Variants in TNFSF14 observed in about 807,000 individuals in gnomAD.
TNFSF14 encodes TNF superfamily member 14.
A neutral mutation model predicts 22.7 loss-of-function variants in TNFSF14; 15 were observed. That is an observed-to-expected ratio of 0.66 (90% CI 0.44 to 1.02). TNFSF14 has a LOEUF of 1.02. Among genes scored for constraint, TNFSF14 ranks in the 50% least tolerant of loss-of-function variants. The pLI is 0.00. For synonymous variants in TNFSF14, 133 were observed against 139.6 expected (o/e 0.95, Z 0.33); for missense variants, 287 against 326.2 (o/e 0.88, Z 0.93).
At position 6,664,140 on chromosome 19, in the gene TNFSF14, G is replaced by C. The variant is rs1286638619; in HGVS notation, c.*786C>G. 1 of 152,096 alleles carries C rather than the reference G, an allele frequency of 6.6e-6. No homozygotes were observed. The highest frequency in any genetic ancestry group is 1.5e-5 in the Non-Finnish European group (1 of 68,048). 9.4% of individuals were successfully genotyped at this position (152,096 alleles called of 1,614,324 possible). A position where few individuals can be genotyped will look rare whatever the true frequency, so the allele number is the denominator to read the frequency against. Reference sequence around the variant, plus strand: ...GATCTGAGTATGTGGGGTGGGGCTGGGCTCTTCATGATGAGTCCCGATGAT... The same window carrying C: ...GATCTGAGTATGTGGGGTGGGGCTGCGCTCTTCATGATGAGTCCCGATGAT... On this transcript the variant is annotated 3_prime_UTR_variant, in exon 4 of 4. Coordinates refer to ENST00000675206, the MANE Select transcript of TNFSF14 (RefSeq NM_001376887.1). This position sits in a 1 kb window ranked among gnomAD's most constrained non-coding sequence, Gnocchi z 4.7.
At chr19:6,665,761 TTGTG>T (rs951381170) in intron 3 of TNFSF14, among the ~76,000 whole-genome samples, 4 of 148,092 alleles carry the variant, frequency 2.7e-5, no homozygotes, top group South Asian at 4.4e-4. Context: ...ACTAGGCTGT[TTGTG>T]TGTGTGTGTG....
rs191014745 is a variant in TNFSF14, at chr19:6,665,165, T to C, written c.484A>G (p.Ile162Val). 9.4e-5 allele frequency: 151 copies of C among 1,614,100 alleles called. No individual in the cohort carries two copies. The highest frequency in any genetic ancestry group is 1.5e-4 in the Admixed American group (9 of 60,018). The change falls in exon 4 of 4, where the codon ATC becomes GTC. Residue 162 changes from isoleucine (I) to valine (V), a missense_variant. Coordinates refer to ENST00000675206, the MANE Select transcript of TNFSF14 (RefSeq NM_001376887.1). Reference protein sequence around the residue: ...VGCPLGLASTITHGLYKRTPR... With the variant: ...VGCPLGLASTVTHGLYKRTPR... ...GTGCGCTTGTAGAGGCCGTGGGTGA[T>C]GGTGCTGGCCAGGCCCAGCGGGCAG...
rs1291186941 is a variant in TNFSF14 at position 6,663,275 on chromosome 19, ATGT to A, written c.*1648_*1650del. The A allele has an allele frequency of 2.4e-4, 36 of 151,516 alleles. No homozygotes were observed. Among genetic ancestry groups the A allele is most frequent in the African/African-American group, 5.8e-4 (24 of 41,218 alleles). 9.4% of individuals were successfully genotyped at this position (151,516 alleles called of 1,614,324 possible). A position where few individuals can be genotyped will look rare whatever the true frequency, so the allele number is the denominator to read the frequency against. Reference sequence around the variant, plus strand: ...CTCAGGCTGTGTGTATATGTGTGTAATGTTGTGTGTTTGTCATTGTGATGTGTG... The same window carrying A: ...CTCAGGCTGTGTGTATATGTGTGTAATGTGTGTTTGTCATTGTGATGTGTG... On this transcript the variant is annotated 3_prime_UTR_variant, in exon 4 of 4. Coordinates refer to ENST00000675206, the MANE Select transcript of TNFSF14 (RefSeq NM_001376887.1).
chr19:6,668,947 G>A (rs1325935478), intron 1 of TNFSF14, among the ~76,000 whole-genome samples: 3 of 152,202 alleles, frequency 2.0e-5, no homozygotes, highest in Non-Finnish European at 2.9e-5. Flanking sequence ...CGGGTGTGTG[G>A]ACATGTGGGT....
intron 3 of TNFSF14, 123 bp from the exon 4 acceptor site, chr19:6,665,473 A>G (rs1917390098): frequency 1.8e-6 from 2 of 1,103,828 alleles, no homozygotes; most frequent in East Asian, 2.6e-5. Context: ...TGGTGGCATG[A>G]TCTCGGCTTA....
intron 1 of TNFSF14, among the ~76,000 whole-genome samples, chr19:6,668,124 G>A (rs1917482217): frequency 6.6e-6 from 1 of 152,082 alleles, no homozygotes; most frequent in African/African-American, 2.4e-5. Flanking sequence ...CACTTTGGGA[G>A]GCCAAAGTGG....
chr19:6,669,642 G>T (rs1917536661), intron 1 of TNFSF14, among the ~76,000 whole-genome samples: 1 of 152,012 alleles, frequency 6.6e-6, no homozygotes, highest in Admixed American at 6.6e-5. Context: ...TTATTTTGTA[G>T]ATGAAGACAC....
At position 6,669,245 on chromosome 19, in the gene TNFSF14, A is replaced by G. The variant is rs1231200008; in HGVS notation, c.219+606T>C. ...ACACCTGTAATCCCAGCACTTTGGG[A>G]GGCTGAGGCGGGTGGATCTCCTGAG... On this transcript the variant is annotated intron_variant, in intron 1 of 3. Transcript: ENST00000675206. 5.3e-5 allele frequency among the ~76,000 whole-genome samples: 8 copies of G among 152,194 alleles called. No homozygotes were observed. In the East Asian group the frequency reaches 1.3e-3, roughly 26 times the overall value.
intron 3 of TNFSF14, 145 bp downstream of exon 3, chr19:6,666,968 C>T: frequency 2.1e-6 from 1 of 476,512 alleles, no homozygotes; most frequent in Non-Finnish European, 3.5e-6. Flanking sequence ...ACTGGAAATA[C>T]ATAGCACTTG....
intron 3 of TNFSF14, 101 bp downstream of exon 3, chr19:6,667,012 A>G: frequency 7.7e-7 from 1 of 1,303,008 alleles, no homozygotes; most frequent in Non-Finnish European, 1.1e-6. Flanking sequence ...GTGAGTAAAT[A>G]AGCAATGAAT....
chr19:6,670,053 A>ACGGGAC lies in TNFSF14; in HGVS notation c.16_17insGTCCCG (p.Val5_Val6insGlyPro). The ACGGGAC allele has an allele frequency of 6.2e-7, 1 of 1,614,108 alleles. No individual in the cohort carries two copies. Among genetic ancestry groups the ACGGGAC allele is most frequent in the Non-Finnish European group, 8.5e-7 (1 of 1,179,978 alleles). On this transcript the variant is annotated inframe_insertion, in exon 1 of 4. Coordinates refer to ENST00000675206, the MANE Select transcript of TNFSF14 (RefSeq NM_001376887.1). ...ATCCACCACAAACACTGAGGGCCGTACGACACTCTCCTCCATGCCCAAGGT... is the reference window on the plus strand; with the variant it reads ...ATCCACCACAAACACTGAGGGCCGTACGGGACCGACACTCTCCTCCATGCCCAAGGT...
intron 1 of TNFSF14, 88 bp downstream of exon 1, chr19:6,669,737 TACACACACACACACACACACACACAC>T: frequency 8.1e-7 from 1 of 1,230,926 alleles, no homozygotes; most frequent in East Asian, 2.6e-5. Flanking sequence ...TGCCCTGTCC[TACACACACACACACACACACACACAC>T]ACACACACAC....
chr19:6,669,806 GC>G (rs558248152), intron 1 of TNFSF14, 44 bp downstream of exon 1: 3 of 1,596,904 alleles, frequency 1.9e-6, no homozygotes, highest in South Asian at 1.1e-5. Context: ...ACACAGGGGA[GC>G]CCCCCTCACC....
intron 3 of TNFSF14, among the ~76,000 whole-genome samples, chr19:6,665,801 G>GTGTC (rs1321339945): frequency 9.9e-5 from 15 of 151,530 alleles, no homozygotes; most frequent in African/African-American, 3.4e-4. Flanking sequence ...GTGTGTGTGT[G>GTGTC]TGTGTGTGTG....
Position 6,670,158 on chromosome 19 carries a change from G to A in TNFSF14, c.-89C>T, listed in dbSNP as rs887613316. Reference sequence around the variant, plus strand: ...TGCTCAACACTCCTGGGCTGTGCACGCTGCGGACAGGCACCCGTGGGCCGC... The same window carrying A: ...TGCTCAACACTCCTGGGCTGTGCACACTGCGGACAGGCACCCGTGGGCCGC... On this transcript the variant is annotated 5_prime_UTR_variant, in exon 1 of 4. Transcript: ENST00000675206. The A allele has an allele frequency of 4.6e-6, 7 of 1,536,200 alleles. No individual in the cohort carries two copies. The highest frequency in any genetic ancestry group is 2.4e-5 in the East Asian group (1 of 42,126).
At chr19:6,668,503 C>T (rs371862776) in intron 1 of TNFSF14, among the ~76,000 whole-genome samples, 2 of 151,868 alleles carry the variant, frequency 1.3e-5, no homozygotes, top group African/African-American at 2.4e-5. Context: ...GTCAGGAGTT[C>T]GAGACAAGTC....
In TNFSF14 at chr19:6,669,838, C is replaced by A. The variant is rs751629573; in HGVS notation, c.219+13G>T. 3 of 1,610,184 alleles carry A rather than the reference C, an allele frequency of 1.9e-6. No individual in the cohort carries two copies. Among genetic ancestry groups the A allele is most frequent in the South Asian group, 2.2e-5 (2 of 91,014 alleles). On this transcript the variant is annotated intron_variant, in intron 1 of 3. Transcript: ENST00000675206. Reference sequence around the variant, plus strand: ...TCACCTCCACCTGCTCTCAGCCCCCCGGTCCCACTCACAGGCAGGCGGGTG... The same window carrying A: ...TCACCTCCACCTGCTCTCAGCCCCCAGGTCCCACTCACAGGCAGGCGGGTG...
rs1206113534 is a variant in TNFSF14, at chr19:6,662,577, CA to C, written c.*2348del. On this transcript the variant is annotated 3_prime_UTR_variant, in exon 4 of 4. Coordinates refer to ENST00000675206, the MANE Select transcript of TNFSF14 (RefSeq NM_001376887.1). The stretch of plus-strand genomic sequence containing the variant: ...TATTGGCGATAACAACAATAACCCA[CA>C]AATTTTGACTTGTCATTCACAACAA... 1 of 152,316 alleles carries C rather than the reference CA, an allele frequency of 6.6e-6. No homozygotes were observed. The highest frequency in any genetic ancestry group is 1.9e-4 in the East Asian group (1 of 5,188). The allele number at this position is 152,316 out of a possible 1,614,324, so 9.4% of individuals were successfully genotyped here.
rs1048393081 is a variant in TNFSF14, at chr19:6,661,715, G to T, written c.*3211C>A. On this transcript the variant is annotated 3_prime_UTR_variant, in exon 4 of 4. Transcript: ENST00000675206. ...GTCAATCACGTTAAACACAAGGTAG[G>T]GTATCACATTGGAATTACAGGCATG... 2.6e-5 allele frequency: 4 copies of T among 152,086 alleles called. No individual in the cohort carries two copies. The highest frequency in any genetic ancestry group is 6.6e-5 in the Admixed American group (1 of 15,256). The allele number at this position is 152,086 out of a possible 1,614,324, so 9.4% of individuals were successfully genotyped here. A position where few individuals can be genotyped will look rare whatever the true frequency, so the allele number is the denominator to read the frequency against.
Sources: gnomAD v4.1 joint callset for allele counts (sites outside exome capture counted in the v4.1 genomes callset) on GRCh38, gnomAD v4.1.1 for gene constraint, Gnocchi (gnomAD v3.1) non-coding constraint, MANE v1.5 for transcripts, NCBI Gene and HGNC (gene_info 2026-07-23, HGNC 2026-07-21) for gene names.